The following ARMH4 variants were observed in gnomAD, a reference collection of about 807,000 sequenced individuals.
ARMH4 encodes armadillo-like helical domain-containing protein 4.
In ARMH4, 49 loss-of-function variants were observed where a neutral mutation model predicts 61.9. That is an observed-to-expected ratio of 0.79 (90% CI 0.63 to 1.00). The LOEUF (loss-of-function observed/expected upper bound fraction) is 1.00. Among genes scored for constraint, ARMH4 ranks in the 50% least tolerant of loss-of-function variants. The pLI is 0.00. For missense variants in ARMH4, 934 were observed against 930.0 expected, an observed-to-expected ratio of 1.00 and a Z score of -0.06; for synonymous variants, 368 against 341.5, an observed-to-expected ratio of 1.08 and a Z score of -0.85.
chr14:58,068,424 T>C (rs1437700718), intron 5 of ARMH4, among the ~76,000 whole-genome samples: 1 of 152,188 alleles, frequency 6.6e-6, no homozygotes, highest in Non-Finnish European at 1.5e-5. Flanking sequence ...CTTGTGCTTG[T>C]CATGATTAGA....
At chr14:58,131,904 TCAGGAAAATGTATTGTCTTA>T (rs1322291747) in intron 3 of ARMH4, among the ~76,000 whole-genome samples, 183 bp from the exon 4 acceptor site, 4 of 152,242 alleles carry the variant, frequency 2.6e-5, no homozygotes, top group Non-Finnish European at 4.4e-5. Flanking sequence ...GCAAAGACTT[TCAGGAAAATGTATTGTCTTA>T]CAGGAAAATG....
intron 5 of ARMH4, among the ~76,000 whole-genome samples, chr14:58,049,354 C>T (rs985153551): frequency 3.3e-5 from 5 of 152,214 alleles, no homozygotes; most frequent in Admixed American, 3.3e-4. Context: ...CATAGATTCT[C>T]AATTGCACAT....
intron 5 of ARMH4, among the ~76,000 whole-genome samples, chr14:58,032,289 T>C (rs1385292446): frequency 6.6e-6 from 1 of 152,116 alleles, no homozygotes; most frequent in African/African-American, 2.4e-5. Flanking sequence ...CCATAATATA[T>C]TCTAATGAGA....
At chr14:58,094,273 T>G (rs1316858066) in intron 5 of ARMH4, among the ~76,000 whole-genome samples, 1 of 143,188 alleles carries the variant, frequency 7.0e-6, no homozygotes, top group Admixed American at 7.5e-5. Context: ...GAATTTGCAG[T>G]GAGTCGAGAT....
At chr14:58,035,907 A>G (rs1233659779) in intron 5 of ARMH4, among the ~76,000 whole-genome samples, 1 of 137,840 alleles carries the variant, frequency 7.3e-6, no homozygotes, top group African/African-American at 2.7e-5. Context: ...GGCAATAATC[A>G]ATAGTTTACC....
intron 4 of ARMH4, among the ~76,000 whole-genome samples, chr14:58,109,901 G>C (rs1481970884): frequency 6.6e-6 from 1 of 152,156 alleles, no homozygotes; most frequent in Admixed American, 6.5e-5. Context: ...TGGTGGAAGG[G>C]GAAGCAGGCA....
intron 4 of ARMH4, among the ~76,000 whole-genome samples, chr14:58,122,797 C>T (rs1886771202): frequency 6.6e-6 from 1 of 152,178 alleles, no homozygotes; most frequent in African/African-American, 2.4e-5. Context: ...CTTGTCCATG[C>T]CCCTTATGTT....
chr14:58,030,630 C>T (rs1011440615), intron 5 of ARMH4, among the ~76,000 whole-genome samples: 2 of 152,284 alleles, frequency 1.3e-5, no homozygotes, highest in Non-Finnish European at 1.5e-5. Context: ...TCCATTCTCC[C>T]CTCCTGCTAG....
intron 4 of ARMH4, among the ~76,000 whole-genome samples, chr14:58,102,596 G>A (rs999614773): frequency 6.6e-6 from 1 of 150,750 alleles, no homozygotes; most frequent in African/African-American, 2.4e-5. Context: ...TGGATCATGA[G>A]GTCAGGAGAT....
At chr14:58,016,083 AAATGT>A (rs1882601584) in intron 5 of ARMH4, among the ~76,000 whole-genome samples, 1 of 152,076 alleles carries the variant, frequency 6.6e-6, no homozygotes, top group African/African-American at 2.4e-5. Flanking sequence ...ATTAAGGTTA[AAATGT>A]TTTATATGAA....
At chr14:58,133,946 G>A (rs1450131573) in intron 2 of ARMH4, among the ~76,000 whole-genome samples, 1 of 152,188 alleles carries the variant, frequency 6.6e-6, no homozygotes, top group African/African-American at 2.4e-5. Flanking sequence ...CAAGAATGCA[G>A]GTTCCAGAGC....
rs949415270 is a variant in ARMH4 at position 58,150,748 on chromosome 14, C to CA, written c.-57+1326dup. ...GCTCGGTTCATTATTGTGACAAATA[C>CA]AAAAAAAAAACCACTTTATTCATAA... is the stretch of plus-strand genomic sequence containing the variant. On this transcript the variant is annotated intron_variant, in intron 1 of 7. Coordinates refer to ENST00000267485, the MANE Select transcript of ARMH4 (RefSeq NM_001001872.4). 3.4e-3 allele frequency among the ~76,000 whole-genome samples: 501 copies of CA among 145,454 alleles called. 4 individuals are homozygous for CA. The highest frequency in any genetic ancestry group is 9.9e-3 in the African/African-American group (393 of 39,770).
At chr14:58,023,098 G>A (rs912994815) in intron 5 of ARMH4, among the ~76,000 whole-genome samples, 1 of 152,172 alleles carries the variant, frequency 6.6e-6, no homozygotes, top group African/African-American at 2.4e-5. Flanking sequence ...GACTAATTAG[G>A]TGGTGGTTGC....
intron 5 of ARMH4, among the ~76,000 whole-genome samples, chr14:58,094,453 A>G (rs974229280): frequency 1.3e-5 from 2 of 152,128 alleles, no homozygotes; most frequent in Admixed American, 1.3e-4. Flanking sequence ...AACTGCTATT[A>G]GCCAAAACAG....
intron 5 of ARMH4, among the ~76,000 whole-genome samples, chr14:58,082,890 T>C (rs983885983): frequency 6.6e-6 from 1 of 152,094 alleles, no homozygotes; most frequent in African/African-American, 2.4e-5. Context: ...CCCTCCTCCA[T>C]CCAGCTGGGG....
At chr14:58,021,709 G>T (rs533018837) in intron 5 of ARMH4, among the ~76,000 whole-genome samples, 1 of 152,300 alleles carries the variant, frequency 6.6e-6, no homozygotes, top group East Asian at 1.9e-4. Flanking sequence ...CCAGCCAGAG[G>T]AGAAAGGGCC....
In ARMH4 at chr14:58,067,706, T is replaced by A. The variant is rs1884748613; in HGVS notation, c.2089+29018A>T. Among the ~76,000 whole-genome samples the A allele has an allele frequency of 3.3e-5, 5 of 152,312 alleles. No individual in the cohort carries two copies. In the South Asian group the frequency reaches 1.0e-3, roughly 32 times the overall value. On this transcript the variant is annotated intron_variant, in intron 5 of 7. Transcript: ENST00000267485. ...TCCAAATGTTTTTGCTTTGAGTATA[T>A]CCAGCTTCATAGCCAGAATAAACAA...
chr14:58,117,736 T>G lies in ARMH4; in HGVS notation c.1831+13776A>C, dbSNP rs74966967. Among the ~76,000 whole-genome samples, 134 of 152,202 alleles carry G rather than the reference T, an allele frequency of 8.8e-4. No homozygotes were observed. The East Asian group carries it at 0.025, about 29-fold the overall frequency. On this transcript the variant is annotated intron_variant, in intron 4 of 7. Transcript: ENST00000267485. ...CCAATCCAATTTTCATTAAGTTATG[T>G]CGTGTATATGTTTCAAATGAGTATA...
chr14:58,112,574 C>T (rs1594764244), intron 4 of ARMH4, among the ~76,000 whole-genome samples: 1 of 152,110 alleles, frequency 6.6e-6, no homozygotes, highest in Non-Finnish European at 1.5e-5. Context: ...ATACAGAGTG[C>T]TTATGATTTA....
Sources: allele counts gnomAD v4.1 joint callset (sites outside exome capture counted in the v4.1 genomes callset), GRCh38; gene constraint gnomAD v4.1.1; transcripts MANE v1.5; gene names NCBI Gene and HGNC (gene_info 2026-07-23, HGNC 2026-07-21).